EPM2A: variants seen among roughly 807,000 people sequenced by gnomAD.
The protein encoded by EPM2A is EPM2A glucan phosphatase, laforin, also known as laforin.
A neutral mutation model predicts 26.5 loss-of-function variants in EPM2A; 21 were observed. That is an observed-to-expected ratio of 0.79 (90% CI 0.56 to 1.14). The LOEUF (loss-of-function observed/expected upper bound fraction) is 1.14, where lower values mean the gene tolerates loss of function less well. EPM2A is among the 50% of genes most tolerant of loss of function. The pLI is 0.00. For missense variants in EPM2A, 458 were observed against 440.8 expected, an observed-to-expected ratio of 1.04 and a Z score of -0.35; for synonymous variants, 217 against 177.6, an observed-to-expected ratio of 1.22 and a Z score of -1.76.
chr6:145,404,817 A>G (rs976695266), intron 4 of EPM2A, among the ~76,000 whole-genome samples: 1 of 152,086 alleles, frequency 6.6e-6, no homozygotes, highest in Non-Finnish European at 1.5e-5. Context: ...CACCTTCTTG[A>G]AAGATTGCTG....
intron 2 of EPM2A, among the ~76,000 whole-genome samples, chr6:145,643,968 T>C (rs1237845858): frequency 6.6e-6 from 1 of 152,170 alleles, no homozygotes; most frequent in Non-Finnish European, 1.5e-5. Flanking sequence ...ACGTAGGACA[T>C]GTGAGCTGGA....
At chr6:145,608,173 C>T (rs917017248) in intron 2 of EPM2A, among the ~76,000 whole-genome samples, 6 of 152,062 alleles carry the variant, frequency 3.9e-5, no homozygotes, top group African/African-American at 1.2e-4. Context: ...TATCATTGTT[C>T]GATTTTCTTA....
At chr6:145,388,005 T>A (rs1402279320) in intron 4 of EPM2A, among the ~76,000 whole-genome samples, 1 of 152,146 alleles carries the variant, frequency 6.6e-6, no homozygotes, top group African/African-American at 2.4e-5. Context: ...CACACAGGCA[T>A]ATATGTTTGT....
At chr6:145,613,879 G>A (rs1312920964) in intron 2 of EPM2A, among the ~76,000 whole-genome samples, 4 of 152,192 alleles carry the variant, frequency 2.6e-5, no homozygotes, top group Non-Finnish European at 5.9e-5. Context: ...TCTTCATAAT[G>A]ATTAATGAGC....
intron 4 of EPM2A, among the ~76,000 whole-genome samples, chr6:145,415,927 C>T (rs1778701983): frequency 6.6e-6 from 1 of 152,176 alleles, no homozygotes; most frequent in South Asian, 2.1e-4. Flanking sequence ...CATTCTTGCT[C>T]TCCATCCTCT....
intron 2 of EPM2A, among the ~76,000 whole-genome samples, chr6:145,558,669 G>A (rs1291377457): frequency 1.3e-5 from 2 of 151,980 alleles, no homozygotes; most frequent in Admixed American, 1.3e-4. Flanking sequence ...GTATATGTTG[G>A]CCATTTGTAC....
intron 1 of EPM2A, among the ~76,000 whole-genome samples, chr6:145,699,142 T>TCC (rs1562500562): frequency 6.6e-6 from 1 of 152,178 alleles, no homozygotes; most frequent in African/African-American, 2.4e-5. Flanking sequence ...ATGTATCCAG[T>TCC]CCTATGCTAG....
At chr6:145,404,968 G>A (rs187312288) in intron 4 of EPM2A, among the ~76,000 whole-genome samples, 109 of 152,214 alleles carry the variant, frequency 7.2e-4, no homozygotes, top group African/African-American at 2.3e-3. Context: ...AAAACTTTGT[G>A]TCCACAAACT....
intron 3 of EPM2A, among the ~76,000 whole-genome samples, chr6:145,634,211 T>A (rs1036228793): frequency 2.0e-5 from 3 of 152,172 alleles, no homozygotes; most frequent in African/African-American, 7.2e-5. Flanking sequence ...CTTGATACTA[T>A]CGGTGTAACT....
At chr6:145,427,638 G>C (rs1454838439) in intron 4 of EPM2A, among the ~76,000 whole-genome samples, 3 of 152,274 alleles carry the variant, frequency 2.0e-5, no homozygotes, top group Non-Finnish European at 4.4e-5. Context: ...ACAGGGTCAA[G>C]AGTGAAAGAA....
chr6:145,562,742 C>G (rs1311398355), intron 2 of EPM2A, among the ~76,000 whole-genome samples: 2 of 152,050 alleles, frequency 1.3e-5, no homozygotes, highest in Admixed American at 1.3e-4. Flanking sequence ...CGAAGTCTTT[C>G]TTAGAGTTTT....
At chr6:145,462,136 C>G (rs6916625) in intron 4 of EPM2A, among the ~76,000 whole-genome samples, 17,372 of 152,196 alleles carry the variant, frequency 0.11, 2,253 homozygotes, top group African/African-American at 0.31. Flanking sequence ...ACCAACAAAT[C>G]TGTATTGTTT....
At chr6:145,441,898 G>C (rs1363955603) in intron 4 of EPM2A, among the ~76,000 whole-genome samples, 1 of 151,932 alleles carries the variant, frequency 6.6e-6, no homozygotes, top group Middle Eastern at 3.2e-3. Context: ...AACAAAAACT[G>C]AATGCCTTTA....
intron 4 of EPM2A, among the ~76,000 whole-genome samples, chr6:145,471,680 A>G (rs2114725718): frequency 6.6e-6 from 1 of 152,294 alleles, no homozygotes; most frequent in East Asian, 1.9e-4. Flanking sequence ...TGAGCTGATG[A>G]CCACCCATAC....
intron 3 of EPM2A, chr6:145,634,952 G>T: frequency 6.0e-6 from 2 of 330,696 alleles, no homozygotes; most frequent in South Asian, 3.8e-5. Flanking sequence ...CGCTCCGTGG[G>T]GGCAGAAGTT....
At chr6:145,622,489 G>T (rs981230847), downstream of EPM2A, among the ~76,000 whole-genome samples, 2 of 152,172 alleles carry the variant, frequency 1.3e-5, no homozygotes, top group Non-Finnish European at 2.9e-5. Flanking sequence ...CAGAAATCAG[G>T]TGATCACAGA....
intron 4 of EPM2A, chr6:145,489,934 C>T: frequency 7.3e-7 from 1 of 1,364,856 alleles, no homozygotes. Flanking sequence ...TTCTAGATAA[C>T]TTATTTGGAC....
chr6:145,383,491 A>T (rs567906037), exon 5 of EPM2A: 1 of 152,388 alleles, frequency 6.6e-6, no homozygotes, highest in East Asian at 1.9e-4. Flanking sequence ...GATACATCTT[A>T]CATGACCAGA....
chr6:145,684,184 T>C lies in EPM2A; in HGVS notation c.476+1938A>G, dbSNP rs114685969. Among the ~76,000 whole-genome samples the C allele has an allele frequency of 3.5e-3, 531 of 151,978 alleles. 1 individual carries two copies. The highest frequency in any genetic ancestry group is 0.01 in the African/African-American group (432 of 41,472). ...AAGAAAAAAATAATCGATAGTTGAATTGGAAAAAAAGAAGCCTCTCAAAAT... is the reference window on the plus strand; with the variant it reads ...AAGAAAAAAATAATCGATAGTTGAACTGGAAAAAAAGAAGCCTCTCAAAAT... On this transcript the variant is annotated intron_variant, in intron 2 of 3. Coordinates refer to ENST00000367519, the MANE Select transcript of EPM2A (RefSeq NM_005670.4).
Sources: allele counts gnomAD v4.1 joint callset (sites outside exome capture counted in the v4.1 genomes callset), GRCh38; gene constraint gnomAD v4.1.1; transcripts MANE v1.5; gene names NCBI Gene and HGNC (gene_info 2026-07-23, HGNC 2026-07-21).